RBM19: variants seen among roughly 807,000 people sequenced by gnomAD.
RBM19 encodes probable RNA-binding protein 19.
In RBM19, 94 loss-of-function variants were observed where a neutral mutation model predicts 116.8. That is an observed-to-expected ratio of 0.80 (90% CI 0.68 to 0.95). RBM19 has a LOEUF of 0.95. RBM19 is among the 40% of genes least tolerant of loss of function. The pLI, the probability that RBM19 is intolerant of heterozygous loss-of-function variation, is 0.00. For missense variants in RBM19, 1,161 were observed against 1,220.7 expected (o/e 0.95, Z 0.73); for synonymous variants, 475 against 494.1 (o/e 0.96, Z 0.51).
rs777041007 is a variant in RBM19 at position 113,844,769 on chromosome 12, C to T, written c.2684G>A (p.Cys895Tyr). Residue 895 changes from cysteine (C) to tyrosine (Y), a missense_variant, in exon 23 of 24, where the codon TGT becomes TAT. By Grantham distance (194) the Cys-to-Tyr change is radical. Transcript: ENST00000261741. ...CCGCCCGTACAAGTGGGTGCTGTGACACAGGGCGTTGAAGGCTCTCTGCAG... is the reference window on the plus strand; with the variant it reads ...CCGCCCGTACAAGTGGGTGCTGTGATACAGGGCGTTGAAGGCTCTCTGCAG... Reference protein sequence around the residue: ...QDAKRAFNALCHSTHLYGRRL... With the variant: ...QDAKRAFNALYHSTHLYGRRL... The T allele has an allele frequency of 6.2e-7, 1 of 1,613,162 alleles. No individual in the cohort carries two copies. The highest frequency in any genetic ancestry group is 8.5e-7 in the Non-Finnish European group (1 of 1,179,610).
intron 18 of RBM19, 27 bp from the exon 19 acceptor site, chr12:113,920,717 C>T (rs1868462139): frequency 6.2e-7 from 1 of 1,601,230 alleles, no homozygotes; most frequent in Non-Finnish European, 8.6e-7. Context: ...GAAATCACAC[C>T]AGTCGGTGAA....
At chr12:113,860,110 C>T (rs1371253278) in intron 21 of RBM19, among the ~76,000 whole-genome samples, 1 of 152,234 alleles carries the variant, frequency 6.6e-6, no homozygotes, top group Non-Finnish European at 1.5e-5. Flanking sequence ...CCTCCTGGTG[C>T]CTCCTCTGTG....
At chr12:113,865,251 G>T (rs956722541) in intron 21 of RBM19, among the ~76,000 whole-genome samples, 2 of 152,046 alleles carry the variant, frequency 1.3e-5, no homozygotes, top group African/African-American at 4.8e-5. Flanking sequence ...CTTGCTTTTT[G>T]TATCACCTGG....
chr12:113,878,780 G>C (rs1008790711), intron 21 of RBM19, among the ~76,000 whole-genome samples: 2 of 139,908 alleles, frequency 1.4e-5, no homozygotes, highest in African/African-American at 5.4e-5. Context: ...CCATAGCCAA[G>C]GCATGCAACT....
chr12:113,937,682 C>A (rs1870193306), intron 15 of RBM19, among the ~76,000 whole-genome samples: 1 of 150,222 alleles, frequency 6.7e-6, no homozygotes, highest in South Asian at 2.1e-4. Flanking sequence ...GTGGGAGGAT[C>A]CCTTGAGCTC....
chr12:113,821,778 C>A (rs1366794210), downstream of RBM19, among the ~76,000 whole-genome samples: 5 of 152,152 alleles, frequency 3.3e-5, no homozygotes, highest in African/African-American at 1.2e-4. Flanking sequence ...GGGAACGAGC[C>A]ATTCTGTGTC....
intron 22 of RBM19, among the ~76,000 whole-genome samples, 189 bp downstream of exon 22, chr12:113,858,602 T>C (rs1878111426): frequency 6.6e-6 from 1 of 152,148 alleles, no homozygotes; most frequent in Non-Finnish European, 1.5e-5. Flanking sequence ...AAACTGCCCC[T>C]TCCTCCAAAT....
chr12:113,833,344 T>C (rs1284691706), intron 23 of RBM19, among the ~76,000 whole-genome samples: 1 of 150,430 alleles, frequency 6.6e-6, no homozygotes, highest in Non-Finnish European at 1.5e-5. Context: ...ATGGCCCTTA[T>C]TGGCCTGGAT....
intron 10 of RBM19, among the ~76,000 whole-genome samples, chr12:113,948,319 C>A (rs759979658): frequency 6.6e-6 from 1 of 152,312 alleles, no homozygotes; most frequent in African/African-American, 2.4e-5. Context: ...GGACTACAGG[C>A]CCTCAAGCCC....
chr12:113,845,631 C>CAGT (rs148687141), intron 22 of RBM19, among the ~76,000 whole-genome samples: 2,165 of 152,292 alleles, frequency 0.014, 56 homozygotes, highest in African/African-American at 0.051. Context: ...TGGCAACCAC[C>CAGT]AGTCTGCTTT....
At chr12:113,838,957 C>T (rs780811210) in intron 23 of RBM19, among the ~76,000 whole-genome samples, 9 of 152,216 alleles carry the variant, frequency 5.9e-5, no homozygotes, top group Non-Finnish European at 1.3e-4. Context: ...TCACAGGCTA[C>T]GGTGTCACCG....
chr12:113,945,254 TGGATGG>T (rs974542508), intron 13 of RBM19, among the ~76,000 whole-genome samples: 2 of 152,136 alleles, frequency 1.3e-5, no homozygotes, highest in African/African-American at 4.8e-5. Flanking sequence ...AGGAGCTGGA[TGGATGG>T]GGAAGTCAGA....
At chr12:113,827,833 T>G (rs1461936814) in intron 23 of RBM19, among the ~76,000 whole-genome samples, 1 of 151,802 alleles carries the variant, frequency 6.6e-6, no homozygotes, top group African/African-American at 2.4e-5. Context: ...CAACCTTGGG[T>G]AAGTTGCTTC....
At chr12:113,907,893 C>T (rs1457907109) in intron 21 of RBM19, among the ~76,000 whole-genome samples, 2 of 152,154 alleles carry the variant, frequency 1.3e-5, no homozygotes, top group African/African-American at 4.8e-5. Context: ...CTGCGGAAGC[C>T]CCAAAGCACC....
chr12:113,886,153 G>A (rs1231306086), intron 21 of RBM19, among the ~76,000 whole-genome samples: 1 of 152,056 alleles, frequency 6.6e-6, no homozygotes. Flanking sequence ...TTACAGGCGT[G>A]AGCCACCGCC....
chr12:113,958,472 A>G (rs1011199678), intron 5 of RBM19, among the ~76,000 whole-genome samples: 21 of 151,966 alleles, frequency 1.4e-4, no homozygotes, highest in African/African-American at 5.1e-4. Flanking sequence ...AGCCATCCCA[A>G]CCCACATTGA....
At chr12:113,908,638 T>C (rs1882233115) in intron 21 of RBM19, among the ~76,000 whole-genome samples, 1 of 132,196 alleles carries the variant, frequency 7.6e-6, no homozygotes, top group African/African-American at 2.8e-5. Context: ...TAGCTCTCCA[T>C]CTGCCAGCCT....
chr12:113,949,672 C>G (rs1377159125), intron 9 of RBM19, among the ~76,000 whole-genome samples: 1 of 152,178 alleles, frequency 6.6e-6, no homozygotes, highest in African/African-American at 2.4e-5. Flanking sequence ...ACGTGCTGTT[C>G]CCTCTACTGA....
intron 21 of RBM19, among the ~76,000 whole-genome samples, chr12:113,913,523 A>G (rs1483505215): frequency 1.3e-5 from 2 of 152,226 alleles, no homozygotes; most frequent in African/African-American, 2.4e-5. Flanking sequence ...TCTGTTTATG[A>G]ACTGAATACT....
Sources: allele counts gnomAD v4.1 joint callset (sites outside exome capture counted in the v4.1 genomes callset), GRCh38; gene constraint gnomAD v4.1.1; transcripts MANE v1.5; gene names NCBI Gene and HGNC (gene_info 2026-07-23, HGNC 2026-07-21).